The following GNB4 variants were observed in gnomAD, a reference collection of about 807,000 sequenced individuals.
The protein encoded by GNB4 is guanine nucleotide-binding protein subunit beta-4.
GNB4 carries 28 observed loss-of-function variants against 45.2 expected under a neutral mutation model. That is an observed-to-expected ratio of 0.62 (90% CI 0.46 to 0.85). GNB4 has a LOEUF of 0.85. Among genes scored for constraint, GNB4 ranks in the 40% least tolerant of loss-of-function variants. The pLI, the probability that GNB4 is intolerant of heterozygous loss-of-function variation, is 0.00. For missense variants in GNB4, 321 were observed against 425.4 expected, an observed-to-expected ratio of 0.75 and a Z score of 2.16; for synonymous variants, 132 against 143.7, an observed-to-expected ratio of 0.92 and a Z score of 0.58.
intron 8 of GNB4, among the ~76,000 whole-genome samples, chr3:179,410,105 A>G (rs1714607468): frequency 6.6e-6 from 1 of 152,170 alleles, no homozygotes; most frequent in South Asian, 2.1e-4. Context: ...GCCTTCCACC[A>G]TGATTGTAAG....
intron 8 of GNB4, among the ~76,000 whole-genome samples, chr3:179,409,837 A>C (rs979332302): frequency 1.3e-5 from 2 of 151,946 alleles, no homozygotes; most frequent in African/African-American, 2.4e-5. Context: ...ACAAAACAAA[A>C]AAAAAACTAG....
chr3:179,404,081 T>G (rs1714390465), intron 9 of GNB4, among the ~76,000 whole-genome samples: 1 of 151,506 alleles, frequency 6.6e-6, no homozygotes, highest in Admixed American at 6.6e-5. Context: ...GCATAAAGTG[T>G]GAAGATTCAT....
At chr3:179,482,057 C>G in the GNB4 span, among the ~76,000 whole-genome samples, 2 of 152,130 alleles carry the variant, frequency 1.3e-5, no homozygotes, top group African/African-American at 4.8e-5. Context: ...TGTGCACCAC[C>G]ACACCTGGCT....
chr3:179,498,749 G>GTTTTTT, the GNB4 span, among the ~76,000 whole-genome samples: 24 of 130,808 alleles, frequency 1.8e-4, no homozygotes, highest in East Asian at 2.3e-3. Context: ...TTGAGGTTTG[G>GTTTTTT]TTTTTTTTTT....
chr3:179,445,732 G>A (rs1344538), intron 1 of GNB4, among the ~76,000 whole-genome samples: 72,081 of 152,034 alleles, frequency 0.47, 17,197 homozygotes, highest in Admixed American at 0.53. Context: ...AGAAGACAGC[G>A]CTCTGACTTG....
chr3:179,494,267 AAGAAAGAAAG>A, the GNB4 span, among the ~76,000 whole-genome samples: 52 of 121,518 alleles, frequency 4.3e-4, no homozygotes, highest in Non-Finnish European at 6.4e-4. Context: ...GAAAGGAAGA[AAGAAAGAAAG>A]AGAAAGAAAG....
At chr3:179,519,683 T>C in the GNB4 span, among the ~76,000 whole-genome samples, 1 of 152,150 alleles carries the variant, frequency 6.6e-6, no homozygotes, top group Non-Finnish European at 1.5e-5. Context: ...CCACACCTCG[T>C]TGCTGCCTTT....
rs530607950 is a variant in GNB4 at position 179,416,583 on chromosome 3, TGA to T, written c.204-29_204-28del. 84 of 1,475,712 alleles carry T rather than the reference TGA, an allele frequency of 5.7e-5. No individual in the cohort carries two copies. In the African/African-American group the frequency reaches 9.9e-4, roughly 17 times the overall value. 91.4% of individuals were successfully genotyped at this position (1,475,712 alleles called of 1,614,324 possible). ...TAGAGGAACAAACACAAAAATAATT[TGA>T]CACTTAGAGGGAAAAAATAGCTTAA... On this transcript the variant is annotated intron_variant, in intron 4 of 9. Transcript: ENST00000232564.
chr3:179,489,045 TA>T, the GNB4 span, among the ~76,000 whole-genome samples: 1,469 of 71,424 alleles, frequency 0.021, 105 homozygotes, highest in African/African-American at 0.072. Context: ...TATATATATA[TA>T]ATATATATGT....
At chr3:179,457,484 TCTGGGGTCTCA>T in the GNB4 span, among the ~76,000 whole-genome samples, 1 of 152,318 alleles carries the variant, frequency 6.6e-6, no homozygotes, top group South Asian at 2.1e-4. Flanking sequence ...AAACTCTCTC[TCTGGGGTCTCA>T]CTCATTTCTT....
chr3:179,523,940 G>A, the GNB4 span, among the ~76,000 whole-genome samples: 2 of 152,174 alleles, frequency 1.3e-5, no homozygotes, highest in South Asian at 2.1e-4. Flanking sequence ...TAACTAAAAA[G>A]GAGTGCATAA....
At chr3:179,512,262 A>G in the GNB4 span, among the ~76,000 whole-genome samples, 1 of 152,242 alleles carries the variant, frequency 6.6e-6, no homozygotes, top group Non-Finnish European at 1.5e-5. Flanking sequence ...AAATAAACCC[A>G]TTAAGAGCAT....
At chr3:179,479,233 T>G in the GNB4 span, among the ~76,000 whole-genome samples, 4 of 152,158 alleles carry the variant, frequency 2.6e-5, no homozygotes. Context: ...ACTAGGATAT[T>G]GTCGAATATA....
At chr3:179,474,828 T>C in the GNB4 span, among the ~76,000 whole-genome samples, 1 of 139,192 alleles carries the variant, frequency 7.2e-6, no homozygotes, top group Non-Finnish European at 1.5e-5. Flanking sequence ...CACAGCTCAC[T>C]GCAGCCTCAA....
intron 6 of GNB4, among the ~76,000 whole-genome samples, chr3:179,414,536 T>A (rs1179690165): frequency 1.3e-5 from 2 of 152,206 alleles, no homozygotes; most frequent in African/African-American, 4.8e-5. Flanking sequence ...TGTACCTTAA[T>A]GCATACTTTC....
intron 2 of GNB4, among the ~76,000 whole-genome samples, chr3:179,423,037 C>T (rs1278912652): frequency 4.6e-5 from 7 of 152,058 alleles, no homozygotes; most frequent in African/African-American, 1.7e-4. Flanking sequence ...GTGATCCACC[C>T]GCCTCAGCCT....
At chr3:179,411,518 TG>T (rs1334218605) in intron 8 of GNB4, among the ~76,000 whole-genome samples, 2 of 148,290 alleles carry the variant, frequency 1.3e-5, no homozygotes, top group Non-Finnish European at 3.0e-5. Context: ...TTTAAGTGGC[TG>T]AAAAAAAACC....
At chr3:179,424,733 T>A (rs1259687022) in intron 2 of GNB4, among the ~76,000 whole-genome samples, 6 of 152,048 alleles carry the variant, frequency 3.9e-5, no homozygotes. Context: ...GCCTCCCGAG[T>A]AGCTGGGACT....
At chr3:179,443,511 C>T (rs1337910617) in intron 1 of GNB4, among the ~76,000 whole-genome samples, 1 of 152,146 alleles carries the variant, frequency 6.6e-6, no homozygotes, top group Non-Finnish European at 1.5e-5. Flanking sequence ...TGTACTCCAG[C>T]CTGGGTGACT....
Sources: gnomAD v4.1 joint callset for allele counts (sites outside exome capture counted in the v4.1 genomes callset) on GRCh38, gnomAD v4.1.1 for gene constraint, MANE v1.5 for transcripts, NCBI Gene and HGNC (gene_info 2026-07-23, HGNC 2026-07-21) for gene names.